NOSTRIN: variants seen among roughly 807,000 people sequenced by gnomAD.
NOSTRIN encodes the protein nitric oxide synthase trafficking.
Under a neutral mutation model 59.0 loss-of-function variants are expected in NOSTRIN, and 63 were observed. The ratio of observed to expected loss-of-function variants is 1.07; its 90% CI spans 0.87 to 1.32. The LOEUF (loss-of-function observed/expected upper bound fraction) is 1.32. Ranked by LOEUF, NOSTRIN falls within the 40% of genes most tolerant of loss-of-function variation. The pLI is 0.00. For missense variants in NOSTRIN, 512 were observed against 473.1 expected, an observed-to-expected ratio of 1.08 and a Z score of -0.76; for synonymous variants, 200 against 165.4, an observed-to-expected ratio of 1.21 and a Z score of -1.61.
chr2:168,850,491 G>A lies in NOSTRIN; in HGVS notation c.631-593G>A, dbSNP rs954326536. Among the ~76,000 whole-genome samples, 55 of 151,976 alleles carry A rather than the reference G, an allele frequency of 3.6e-4. 1 individual carries two copies. The highest frequency in any genetic ancestry group is 3.5e-3 in the Admixed American group (53 of 15,260). ...TCTCTTCCCTGCAGACTAGCAGAAC[G>A]CCTTGAATGTACTATAAACAATTCT... On this transcript the variant is annotated intron_variant, in intron 8 of 15. Transcript: ENST00000317647.
chr2:168,859,461 G>A (rs1329149278), intron 12 of NOSTRIN, 51 bp from the exon 13 acceptor site: 3 of 1,602,864 alleles, frequency 1.9e-6, no homozygotes, highest in Non-Finnish European at 8.5e-7. Flanking sequence ...CTATCCAGTT[G>A]TGCCTCATTT....
At chr2:168,804,070 G>A (rs1055635415) in intron 1 of NOSTRIN, among the ~76,000 whole-genome samples, 2 of 152,110 alleles carry the variant, frequency 1.3e-5, no homozygotes, top group Non-Finnish European at 2.9e-5. Flanking sequence ...GGGAAATGGT[G>A]GGCAGCTTTA....
At chr2:168,811,478 TA>T (rs1312111893) in intron 1 of NOSTRIN, 88 bp from the exon 2 acceptor site, 1 of 560,802 alleles carries the variant, frequency 1.8e-6, no homozygotes, top group Non-Finnish European at 3.2e-6. Flanking sequence ...ATAGTTATAG[TA>T]GTTTTCTGAA....
chr2:168,799,668 CTT>C (rs1402589593), upstream of NOSTRIN, among the ~76,000 whole-genome samples: 1 of 152,140 alleles, frequency 6.6e-6, no homozygotes, highest in Admixed American at 6.5e-5. Flanking sequence ...CGTCTAGAGT[CTT>C]TTATGATTTA....
intron 8 of NOSTRIN, among the ~76,000 whole-genome samples, chr2:168,845,749 G>T (rs776182218): frequency 3.3e-5 from 5 of 149,634 alleles, no homozygotes; most frequent in Non-Finnish European, 7.4e-5. Flanking sequence ...TTCAACTTCA[G>T]CTCTAAAAAT....
chr2:168,822,347 GAA>G (rs5836207), intron 2 of NOSTRIN, among the ~76,000 whole-genome samples: 7 of 151,044 alleles, frequency 4.6e-5, no homozygotes, highest in Admixed American at 2.0e-4. Flanking sequence ...TGTACTAAGA[GAA>G]AAAAAAAATG....
chr2:168,834,097 C>A, intron 6 of NOSTRIN, 130 bp from the exon 7 acceptor site: 1 of 588,842 alleles, frequency 1.7e-6, no homozygotes, highest in Non-Finnish European at 3.0e-6. Context: ...TTGTTTCAGC[C>A]TTTGGAGGAT....
intron 1 of NOSTRIN, 109 bp from the exon 2 acceptor site, chr2:168,811,455 TATA>T (rs1686128865): frequency 3.9e-6 from 2 of 512,012 alleles, no homozygotes; most frequent in Admixed American, 8.3e-5. Flanking sequence ...CACGATCCTT[TATA>T]ATGACAGTCA....
intron 2 of NOSTRIN, among the ~76,000 whole-genome samples, chr2:168,823,226 C>T (rs1000316082): frequency 6.6e-6 from 1 of 152,248 alleles, no homozygotes; most frequent in Admixed American, 6.5e-5. Flanking sequence ...CTGTGTTAGC[C>T]AGGATGGTCT....
At chr2:168,823,040 G>T (rs1000327229) in intron 2 of NOSTRIN, among the ~76,000 whole-genome samples, 1 of 152,152 alleles carries the variant, frequency 6.6e-6, no homozygotes, top group Non-Finnish European at 1.5e-5. Flanking sequence ...TGTTTGAGAT[G>T]GAGTTTTGCT....
At chr2:168,808,510 G>A (rs528778887) in intron 1 of NOSTRIN, among the ~76,000 whole-genome samples, 4 of 152,252 alleles carry the variant, frequency 2.6e-5, no homozygotes, top group Admixed American at 6.5e-5. Flanking sequence ...ATGCATCCAG[G>A]TCTTTCTCTC....
intron 6 of NOSTRIN, among the ~76,000 whole-genome samples, chr2:168,832,255 C>T (rs920867635): frequency 3.0e-4 from 45 of 151,898 alleles, no homozygotes; most frequent in African/African-American, 1.1e-3. Context: ...TACGATCTGG[C>T]GTGGGAAGCT....
chr2:168,790,644 G>A (rs190594611), intron 2 of NOSTRIN, among the ~76,000 whole-genome samples: 1 of 152,360 alleles, frequency 6.6e-6, no homozygotes, highest in African/African-American at 2.4e-5. Context: ...CCAAGGAGGA[G>A]CTAAGAACTG....
chr2:168,825,286 C>T (rs1686998767), intron 3 of NOSTRIN, among the ~76,000 whole-genome samples: 1 of 152,218 alleles, frequency 6.6e-6, no homozygotes, highest in Admixed American at 6.5e-5. Context: ...GTTCAAGATA[C>T]TTCCCCCAAT....
At chr2:168,860,014 T>C (rs901939226) in intron 13 of NOSTRIN, among the ~76,000 whole-genome samples, 1 of 152,208 alleles carries the variant, frequency 6.6e-6, no homozygotes, top group Non-Finnish European at 1.5e-5. Flanking sequence ...CTGTTTAAGA[T>C]GGTGCCTAAT....
At chr2:168,857,455 T>C (rs1332486127) in intron 12 of NOSTRIN, among the ~76,000 whole-genome samples, 1 of 147,716 alleles carries the variant, frequency 6.8e-6, no homozygotes, top group Non-Finnish European at 1.5e-5. Flanking sequence ...GGGTGGGAAT[T>C]GGGGTGGGGA....
In NOSTRIN at chr2:168,856,771, T is replaced by C. The variant is rs1689150656; in HGVS notation, c.1046T>C (p.Met349Thr). The C allele has an allele frequency of 1.2e-6, 2 of 1,613,840 alleles. No individual in the cohort carries two copies. Among genetic ancestry groups the C allele is most frequent in the South Asian group, 2.2e-5 (2 of 91,090 alleles). Reference sequence around the variant, plus strand: ...AGCCAGAAAGACACAGCAGCGTTAATGGATGAGGTAAATGTTTGCCGAGTG... The same window carrying C: ...AGCCAGAAAGACACAGCAGCGTTAACGGATGAGGTAAATGTTTGCCGAGTG... ...AKSQKDTAALMDENNLKLDLL... is the reference protein window; with the variant it reads ...AKSQKDTAALTDENNLKLDLL... Residue 349 changes from methionine to threonine, a missense_variant, in exon 12 of 16, where the codon ATG becomes ACG. Physicochemically the swap from Met to Thr is moderately conservative, Grantham distance 81 (BLOSUM62 -1). Coordinates refer to ENST00000317647, the MANE Select transcript of NOSTRIN (RefSeq NM_001039724.4).
chr2:168,863,565 T>C, intron 15 of NOSTRIN: 1 of 985,274 alleles, frequency 1.0e-6, no homozygotes, highest in Non-Finnish European at 1.2e-6. Flanking sequence ...TTTGAATCAT[T>C]GCTTTAAAAA....
At chr2:168,831,002 G>T (rs1452072825) in intron 5 of NOSTRIN, among the ~76,000 whole-genome samples, 8 of 152,162 alleles carry the variant, frequency 5.3e-5, no homozygotes, top group Non-Finnish European at 1.0e-4. Flanking sequence ...TATGTCCATT[G>T]TAAGATCTTG....
Sources: gnomAD v4.1 joint callset for allele counts (sites outside exome capture counted in the v4.1 genomes callset) on GRCh38, gnomAD v4.1.1 for gene constraint, MANE v1.5 for transcripts, NCBI Gene and HGNC (gene_info 2026-07-23, HGNC 2026-07-21) for gene names.